The following LRRD1 variants were observed in gnomAD, a reference collection of about 807,000 sequenced individuals.
LRRD1 encodes leucine-rich repeat and death domain-containing protein 1.
In LRRD1, 49 loss-of-function variants were observed where a neutral mutation model predicts 69.5. That is an observed-to-expected ratio of 0.70 (90% CI 0.56 to 0.89). The LOEUF (loss-of-function observed/expected upper bound fraction) is 0.89, where lower values mean the gene tolerates loss of function less well. LRRD1 is among the 40% of genes least tolerant of loss of function. The probability of loss-of-function intolerance (pLI) is 0.00; values close to 1 mark genes in which losing one functional copy is unlikely to be tolerated. For missense variants in LRRD1, 853 were observed against 956.0 expected (o/e 0.89, Z 1.42); for synonymous variants, 303 against 338.9 (o/e 0.89, Z 1.16).
chr7:92,143,433 G>A (rs1018657702), downstream of LRRD1, among the ~76,000 whole-genome samples: 10 of 152,294 alleles, frequency 6.6e-5, no homozygotes, highest in East Asian at 5.8e-4. Context: ...GGCACTCGTC[G>A]GGGAGGCTCT....
intron 2 of LRRD1, 142 bp downstream of exon 2, chr7:92,163,144 C>T (rs377432533): frequency 6.7e-5 from 30 of 448,776 alleles, no homozygotes; most frequent in African/African-American, 4.0e-4. Context: ...TTGGCGGGGA[C>T]GGGGAGGGCT....
chr7:92,160,719 AG>A (rs1371056281), intron 2 of LRRD1, among the ~76,000 whole-genome samples: 1 of 152,214 alleles, frequency 6.6e-6, no homozygotes, highest in Non-Finnish European at 1.5e-5. Flanking sequence ...AGCCTGAGGC[AG>A]GAGAATCACT....
At chr7:92,156,141 C>A (rs554458197) in intron 3 of LRRD1, among the ~76,000 whole-genome samples, 1 of 152,338 alleles carries the variant, frequency 6.6e-6, no homozygotes, top group East Asian at 1.9e-4. Context: ...TATTTCTAGA[C>A]TCTCTATTCT....
intron 2 of LRRD1, among the ~76,000 whole-genome samples, chr7:92,160,061 G>A (rs1205334747): frequency 6.6e-6 from 1 of 152,084 alleles, no homozygotes; most frequent in Non-Finnish European, 1.5e-5. Context: ...TCACAGTTTG[G>A]CAATGTGACC....
Position 92,163,308 on chromosome 7 carries a change from A to G in LRRD1, c.1895T>C (p.Ile632Thr), listed in dbSNP as rs770837207. Reference protein sequence around the residue: ...CQLQSLEQLNISQIKGRKLTR... With the variant: ...CQLQSLEQLNTSQIKGRKLTR... Reference sequence around the variant, plus strand: ...TACCTTTCTCCCTTTTATCTGACTTATATTCAGCTGTTCCAGTGATTGAAG... The same window carrying G: ...TACCTTTCTCCCTTTTATCTGACTTGTATTCAGCTGTTCCAGTGATTGAAG... The change falls in exon 2 of 6, where the codon ATA becomes ACA. Residue 632 changes from isoleucine (I) to threonine (T), a missense_variant. Transcript: ENST00000458448. 3 of 1,496,608 alleles carry G rather than the reference A, an allele frequency of 2.0e-6. No individual in the cohort carries two copies. The highest frequency in any genetic ancestry group is 2.7e-6 in the Non-Finnish European group (3 of 1,124,914). The allele number at this position is 1,496,608 out of a possible 1,614,324, so 92.7% of individuals were successfully genotyped here. A position where few individuals can be genotyped will look rare whatever the true frequency, so the allele number is the denominator to read the frequency against.
chr7:92,142,748 C>A, downstream of LRRD1: 11 of 440,176 alleles, frequency 2.5e-5, no homozygotes, highest in South Asian at 1.8e-4. Context: ...AGTGTTACAG[C>A]TCTTAAGGCG....
At chr7:92,143,642 G>A (rs998610627), downstream of LRRD1, among the ~76,000 whole-genome samples, 31 of 152,148 alleles carry the variant, frequency 2.0e-4, no homozygotes, top group African/African-American at 7.0e-4. Flanking sequence ...GAGCCCACGC[G>A]CACCCGGAAC....
intron 1 of LRRD1, among the ~76,000 whole-genome samples, chr7:92,170,758 A>ATACTAT (rs1789040047): frequency 6.6e-6 from 1 of 152,248 alleles, no homozygotes; most frequent in East Asian, 1.9e-4. Context: ...TCTTTTCATT[A>ATACTAT]GCACTTGGGA....
chr7:92,158,059 T>C (rs1269063941), intron 3 of LRRD1, among the ~76,000 whole-genome samples: 1 of 152,218 alleles, frequency 6.6e-6, no homozygotes, highest in Non-Finnish European at 1.5e-5. Context: ...GAATTAGGGC[T>C]ATCTGTTAGC....
At chr7:92,150,900 G>A (rs1820450040) in intron 3 of LRRD1, among the ~76,000 whole-genome samples, 1 of 152,110 alleles carries the variant, frequency 6.6e-6, no homozygotes, top group Non-Finnish European at 1.5e-5. Context: ...TCCTAGGGGT[G>A]GCAAAATGAG....
In LRRD1 at chr7:92,144,852, A is replaced by G. The variant is rs771413145; in HGVS notation, c.*36T>C. The G allele has an allele frequency of 9.9e-6, 13 of 1,312,218 alleles. No individual in the cohort carries two copies. The South Asian group carries it at 2.3e-4, about 23-fold the overall frequency. The allele number at this position is 1,312,218 out of a possible 1,614,324, so 81.3% of individuals were successfully genotyped here. Reference sequence around the variant, plus strand: ...CAAACACAGTTTCAATTATAAGTGCATCAAAAGTTTTCAGTTTTTATTATT... The same window carrying G: ...CAAACACAGTTTCAATTATAAGTGCGTCAAAAGTTTTCAGTTTTTATTATT... On this transcript the variant is annotated 3_prime_UTR_variant, in exon 6 of 6. Transcript: ENST00000458448.
chr7:92,146,243 A>G (rs1376117530), intron 4 of LRRD1, 43 bp from the exon 5 acceptor site: 1 of 984,898 alleles, frequency 1.0e-6, no homozygotes, highest in Non-Finnish European at 1.5e-6. Flanking sequence ...TTTGAAAAAG[A>G]TAATCTATTT....
downstream of LRRD1, chr7:92,142,949 G>A (rs186707807): frequency 3.8e-6 from 1 of 265,488 alleles, no homozygotes; most frequent in Admixed American, 4.9e-5. Flanking sequence ...GACCGGAACA[G>A]GTTGCCACTG....
At chr7:92,161,975 GT>G in intron 2 of LRRD1, among the ~76,000 whole-genome samples, 1 of 152,248 alleles carries the variant, frequency 6.6e-6, no homozygotes, top group East Asian at 1.9e-4. Context: ...AAAAGAGAGA[GT>G]TAAGGATATA....
intron 2 of LRRD1, among the ~76,000 whole-genome samples, chr7:92,162,372 C>CT (rs34745994): frequency 1.4e-4 from 21 of 151,290 alleles, no homozygotes; most frequent in East Asian, 3.9e-4. Context: ...CCCCTCCTCC[C>CT]TTTTTTTTTG....
At position 92,163,812 on chromosome 7, in the gene LRRD1, T is replaced by C. The variant is rs1161415717; in HGVS notation, c.1391A>G (p.Gln464Arg). The C allele has an allele frequency of 6.7e-7, 1 of 1,500,446 alleles. No homozygotes were observed. The highest frequency in any genetic ancestry group is 8.9e-7 in the Non-Finnish European group (1 of 1,129,458). The allele number at this position is 1,500,446 out of a possible 1,614,324, so 92.9% of individuals were successfully genotyped here. ...TDVPIEIKNC[Q>R]KIIKIELSYN... ...ACTCAATTCAATTTTAATTATTTTT[T>C]GGCAGTTTTTTATTTCAATGGGAAC... is the stretch of plus-strand genomic sequence containing the variant. Residue 464 changes from glutamine (Q) to arginine (R), a missense_variant, in exon 2 of 6, where the codon CAA becomes CGA. Gln to Arg is a conservative substitution (Grantham distance 43, BLOSUM62 1). Around this residue, in one of 3 missense-constraint regions of LRRD1, gnomAD observed 739 missense variants for 808.0 expected, o/e 0.91. Coordinates refer to ENST00000458448, the MANE Select transcript of LRRD1 (RefSeq NM_001161528.2).
Position 92,164,253 on chromosome 7 carries a change from CT to C in LRRD1, c.949del (p.Ser317ValfsTer12), listed in dbSNP as rs755107451. The C allele has an allele frequency of 9.4e-5, 146 of 1,550,602 alleles. No homozygotes were observed. In the African/African-American group the frequency reaches 1.9e-3, roughly 20 times the overall value. On this transcript the variant is annotated frameshift_variant, in exon 2 of 6. Coordinates refer to ENST00000458448, the MANE Select transcript of LRRD1 (RefSeq NM_001161528.2). LOFTEE classifies it high-confidence loss of function. ...SLDLTGNLIS[S>X]LPKEIRELKN... ...AAGCTCTCTAATTTCTTTTGGCAAA[CT>C]GCTTATTAGGTTTCCAGTAAGGTCT...
At position 92,163,970 on chromosome 7, in the gene LRRD1, AG is replaced by A; in HGVS notation, c.1232del (p.Pro411LeufsTer10). On this transcript the variant is annotated frameshift_variant, in exon 2 of 6. Transcript: ENST00000458448. LOFTEE classifies it high-confidence loss of function. ...SLSDNKLTEL[P>X]KYIHKLNNLR... ...AATTGTTAAGCTTATGGATGTACTT[AG>A]GGAGTTCTGTTAATTTATTATCACT... 2 of 1,531,892 alleles carry A rather than the reference AG, an allele frequency of 1.3e-6. No individual in the cohort carries two copies. Among genetic ancestry groups the A allele is most frequent in the African/African-American group, 1.4e-5 (1 of 71,736 alleles). 94.9% of individuals were successfully genotyped at this position (1,531,892 alleles called of 1,614,324 possible).
intron 1 of LRRD1, among the ~76,000 whole-genome samples, chr7:92,166,602 G>A (rs987091648): frequency 7.9e-5 from 12 of 152,302 alleles, no homozygotes; most frequent in African/African-American, 2.9e-4. Context: ...TGAGTCAGTT[G>A]CATTTGTCCC....
Sources: gnomAD v4.1 joint callset for allele counts (sites outside exome capture counted in the v4.1 genomes callset) on GRCh38, gnomAD v4.1.1 for gene constraint, gnomAD v4.1.1 regional missense constraint, MANE v1.5 for transcripts, NCBI Gene and HGNC (gene_info 2026-07-23, HGNC 2026-07-21) for gene names.